The following SHB variants were observed in gnomAD, a reference collection of about 807,000 sequenced individuals.
The protein encoded by SHB is SH2 domain-containing adapter protein B.
In SHB, 20 loss-of-function variants were observed where a neutral mutation model predicts 52.3. The observed-to-expected ratio is 0.38, with a 90% CI of 0.27 to 0.56. The LOEUF is 0.56. SHB is among the 20% of genes least tolerant of loss of function. The pLI, the probability that SHB is intolerant of heterozygous loss-of-function variation, is 0.71. For missense variants in SHB, 825 were observed against 723.3 expected, an observed-to-expected ratio of 1.14 and a Z score of -1.61; for synonymous variants, 397 against 316.5, an observed-to-expected ratio of 1.25 and a Z score of -2.70.
chr9:38,019,263 C>T (rs1000317975), intron 1 of SHB, among the ~76,000 whole-genome samples: 1 of 152,350 alleles, frequency 6.6e-6, no homozygotes, highest in Admixed American at 6.5e-5. Flanking sequence ...ACTACAGACC[C>T]CAGGTCAGCC....
At chr9:38,034,170 T>C (rs1008830317) in intron 1 of SHB, among the ~76,000 whole-genome samples, 6 of 152,180 alleles carry the variant, frequency 3.9e-5, no homozygotes, top group East Asian at 1.9e-4. Context: ...CTTTGGGAAG[T>C]GTACTAACGC....
At chr9:37,987,620 ATCAG>A (rs969576883) in intron 2 of SHB, among the ~76,000 whole-genome samples, 1 of 152,238 alleles carries the variant, frequency 6.6e-6, no homozygotes, top group African/African-American at 2.4e-5. Flanking sequence ...TCAGTTGGTC[ATCAG>A]TCAGGGTCAC....
At chr9:38,004,181 G>A (rs896457926) in intron 2 of SHB, among the ~76,000 whole-genome samples, 3 of 152,202 alleles carry the variant, frequency 2.0e-5, no homozygotes, top group African/African-American at 7.2e-5. Context: ...CCCTCCCTGG[G>A]CCTTAGGGAG....
chr9:37,930,847 C>T (rs1449198862), intron 5 of SHB, among the ~76,000 whole-genome samples: 2 of 152,178 alleles, frequency 1.3e-5, no homozygotes, highest in East Asian at 3.8e-4. Context: ...GGGCATCACA[C>T]TTCCTGATTT....
At chr9:37,945,562 G>A (rs1832482335) in intron 5 of SHB, among the ~76,000 whole-genome samples, 1 of 152,232 alleles carries the variant, frequency 6.6e-6, no homozygotes, top group Non-Finnish European at 1.5e-5. Context: ...CCCGGCCTTT[G>A]GAGGTGGTGA....
intron 2 of SHB, among the ~76,000 whole-genome samples, chr9:38,012,498 G>A (rs955071401): frequency 4.4e-4 from 61 of 138,238 alleles, no homozygotes; most frequent in African/African-American, 1.8e-3. Context: ...CCTCCCCGTT[G>A]TTGTTATCAC....
chr9:37,952,353 C>G (rs186786825), intron 4 of SHB, among the ~76,000 whole-genome samples: 3 of 152,180 alleles, frequency 2.0e-5, no homozygotes, highest in Non-Finnish European at 1.5e-5. Context: ...CTCTGCAAAA[C>G]AGGCAGCAAG....
In SHB at chr9:37,918,231, A is replaced by T. The variant is rs575849391; in HGVS notation, c.*1590T>A. ...GCTCTGGAACCCTTGTATCTCATTC[A>T]GGAGAGGGCAGCCACATCTTCATGC... On this transcript the variant is annotated 3_prime_UTR_variant, in exon 6 of 6. Coordinates refer to ENST00000377707, the MANE Select transcript of SHB (RefSeq NM_003028.3). Among the ~76,000 whole-genome samples, 34 of 152,316 alleles carry T rather than the reference A, an allele frequency of 2.2e-4. 2 individuals carry two copies. In the South Asian group the frequency reaches 6.6e-3, roughly 30 times the overall value.
chr9:37,980,644 G>A (rs1820713726), intron 2 of SHB, among the ~76,000 whole-genome samples: 1 of 152,180 alleles, frequency 6.6e-6, no homozygotes, highest in African/African-American at 2.4e-5. Context: ...ATCTTCCCCA[G>A]AAGGTTTTCA....
chr9:38,015,993 C>G lies in SHB; in HGVS notation c.838+18G>C, dbSNP rs761285242. The G allele has an allele frequency of 1.2e-6, 2 of 1,613,272 alleles. No individual in the cohort carries two copies. The highest frequency in any genetic ancestry group is 2.2e-5 in the South Asian group (2 of 90,930). Reference sequence around the variant, plus strand: ...CTACAACCCCAGCTGTGAGCCCCTGCGCTTCAGCTCCACTTACCTGTCATG... The same window carrying G: ...CTACAACCCCAGCTGTGAGCCCCTGGGCTTCAGCTCCACTTACCTGTCATG... On this transcript the variant is annotated intron_variant, in intron 2 of 5. Transcript: ENST00000377707.
intron 2 of SHB, among the ~76,000 whole-genome samples, chr9:37,988,321 G>A (rs964967001): frequency 6.6e-6 from 1 of 152,148 alleles, no homozygotes; most frequent in Non-Finnish European, 1.5e-5. Flanking sequence ...AATATTCCTC[G>A]CAGATGAGGT....
intron 1 of SHB, among the ~76,000 whole-genome samples, chr9:38,044,266 G>A (rs1821618907): frequency 6.6e-6 from 1 of 152,224 alleles, no homozygotes; most frequent in African/African-American, 2.4e-5. Context: ...AACCTGTCCT[G>A]GAGTCCCACT....
At chr9:38,008,715 C>G (rs1189738871) in intron 2 of SHB, among the ~76,000 whole-genome samples, 1 of 152,134 alleles carries the variant, frequency 6.6e-6, no homozygotes, top group Non-Finnish European at 1.5e-5. Context: ...TCCATCCTGC[C>G]ATGATCCAGC....
intron 1 of SHB, among the ~76,000 whole-genome samples, chr9:38,036,914 T>C (rs866178456): frequency 2.0e-5 from 3 of 152,166 alleles, no homozygotes; most frequent in Admixed American, 1.3e-4. Flanking sequence ...GCAGTTAAGT[T>C]GCAGAGCCCT....
intron 1 of SHB, among the ~76,000 whole-genome samples, chr9:38,034,364 T>C (rs1435620985): frequency 1.3e-5 from 2 of 152,212 alleles, no homozygotes; most frequent in African/African-American, 4.8e-5. Flanking sequence ...GTGATAATGA[T>C]GTTATGATCC....
At chr9:37,976,065 T>C (rs1411196417) in intron 2 of SHB, among the ~76,000 whole-genome samples, 1 of 152,212 alleles carries the variant, frequency 6.6e-6, no homozygotes, top group African/African-American at 2.4e-5. Flanking sequence ...AGATGGAGTC[T>C]TACTCTGTTA....
chr9:38,068,387 G>C lies in SHB; in HGVS notation c.259C>G (p.Gln87Glu). 6.3e-7 allele frequency: 1 copy of C among 1,576,058 alleles called. No individual in the cohort carries two copies. The highest frequency in any genetic ancestry group is 8.6e-7 in the Non-Finnish European group (1 of 1,164,712). ...TSDLIRAYRAQKERDFEDPYN... is the reference protein window; with the variant it reads ...TSDLIRAYRAEKERDFEDPYN... Reference sequence around the variant, plus strand: ...GGGTCCTCGAAGTCTCGCTCCTTCTGCGCGCGGTAGGCGCGGATGAGGTCG... The same window carrying C: ...GGGTCCTCGAAGTCTCGCTCCTTCTCCGCGCGGTAGGCGCGGATGAGGTCG... The change falls in exon 1 of 6, where the codon CAG becomes GAG. Residue 87 changes from glutamine (Q) to glutamate (E), a missense_variant. Gln to Glu is a conservative substitution (Grantham distance 29). Coordinates refer to ENST00000377707, the MANE Select transcript of SHB (RefSeq NM_003028.3).
chr9:38,033,025 C>T (rs558553799), intron 1 of SHB, among the ~76,000 whole-genome samples: 1 of 152,270 alleles, frequency 6.6e-6, no homozygotes, highest in East Asian at 1.9e-4. Flanking sequence ...CCTGATTTTT[C>T]TCATCAGAAC....
Position 37,916,405 on chromosome 9 carries a change from C to G in SHB, c.*3416G>C, listed in dbSNP as rs1439943879. ...TGCCGGTCCTTGCCAGGCCCTTGGT[C>G]AATGATATCACCACTTCTGAGACAG... On this transcript the variant is annotated 3_prime_UTR_variant, in exon 6 of 6. Transcript: ENST00000377707. Among the ~76,000 whole-genome samples the G allele has an allele frequency of 1.3e-5, 2 of 152,238 alleles. No homozygotes were observed. Among genetic ancestry groups the G allele is most frequent in the African/African-American group, 2.4e-5 (1 of 41,466 alleles).
Sources: allele counts gnomAD v4.1 joint callset (sites outside exome capture counted in the v4.1 genomes callset), GRCh38; gene constraint gnomAD v4.1.1; transcripts MANE v1.5; gene names NCBI Gene and HGNC (gene_info 2026-07-23, HGNC 2026-07-21).